The following MOCS1 variants were observed in gnomAD, a reference collection of about 807,000 sequenced individuals.
MOCS1 encodes the protein molybdenum cofactor biosynthesis protein 1.
In MOCS1, 39 loss-of-function variants were observed where a neutral mutation model predicts 57.6. The observed-to-expected ratio is 0.68, with a 90% CI of 0.52 to 0.88. The LOEUF is 0.88. MOCS1 is among the 40% of genes least tolerant of loss of function. MOCS1 has a pLI of 0.00. For synonymous variants in MOCS1, 334 were observed against 335.7 expected (o/e 1.00, Z 0.05); for missense variants, 795 against 831.1 (o/e 0.96, Z 0.53).
At chr6:39,922,176 G>A (rs913345489) in intron 3 of MOCS1, among the ~76,000 whole-genome samples, 1 of 152,004 alleles carries the variant, frequency 6.6e-6, no homozygotes, top group African/African-American at 2.4e-5. Flanking sequence ...TTAAATGAAC[G>A]AAAAAATCAT....
intron 3 of MOCS1, among the ~76,000 whole-genome samples, 182 bp downstream of exon 3, chr6:39,925,496 C>T (rs1244362397): frequency 1.3e-5 from 2 of 152,148 alleles, no homozygotes. Flanking sequence ...AGTTATCCAA[C>T]CTAAGCCTCA....
chr6:39,919,841 TAAGGACCTATATGCAAA>T (rs1221907464), intron 3 of MOCS1, among the ~76,000 whole-genome samples: 1 of 152,160 alleles, frequency 6.6e-6, no homozygotes, highest in Admixed American at 6.5e-5. Context: ...ACAGATGAAC[TAAGGACCTATATGCAAA>T]TTTAAAATTT....
At chr6:39,910,248 T>C (rs1302046587) in intron 8 of MOCS1, among the ~76,000 whole-genome samples, 1 of 152,202 alleles carries the variant, frequency 6.6e-6, no homozygotes, top group Non-Finnish European at 1.5e-5. Flanking sequence ...CATGTAAAAA[T>C]CCAGATCTCT....
In MOCS1 at chr6:39,929,341, A is replaced by C. The variant is rs113507083; in HGVS notation, c.124-1886T>G. Reference sequence around the variant, plus strand: ...TAGCCTCAGGGTTGGGGCGGGGAGCACTCCATAATCAAGAATCCCATCAGC... The same window carrying C: ...TAGCCTCAGGGTTGGGGCGGGGAGCCCTCCATAATCAAGAATCCCATCAGC... On this transcript the variant is annotated intron_variant, in intron 1 of 10. Coordinates refer to ENST00000340692, the MANE Select transcript of MOCS1 (RefSeq NM_001358530.2). 8.1e-3 allele frequency among the ~76,000 whole-genome samples: 1,236 copies of C among 152,104 alleles called. 7 individuals carry two copies. Among genetic ancestry groups the C allele is most frequent in the Middle Eastern group, 0.017 (5 of 294 alleles).
intron 7 of MOCS1, 22 bp from the exon 8 acceptor site, chr6:39,912,396 C>T: frequency 6.4e-7 from 1 of 1,556,682 alleles, no homozygotes; most frequent in East Asian, 2.2e-5. Flanking sequence ...AGAGTGGGAG[C>T]AAAAGGGCAG....
At chr6:39,929,649 T>C (rs1249758255) in intron 1 of MOCS1, among the ~76,000 whole-genome samples, 2 of 151,586 alleles carry the variant, frequency 1.3e-5, no homozygotes, top group African/African-American at 2.4e-5. Flanking sequence ...CAATCAAGAA[T>C]GGAATTAGGG....
intron 1 of MOCS1, among the ~76,000 whole-genome samples, chr6:39,932,785 G>A (rs1170695640): frequency 6.6e-6 from 1 of 152,176 alleles, no homozygotes; most frequent in Non-Finnish European, 1.5e-5. Flanking sequence ...CACTTACATG[G>A]GCTAAGCTTT....
chr6:39,913,282 T>G, intron 6 of MOCS1, 35 bp downstream of exon 6: 1 of 1,585,480 alleles, frequency 6.3e-7, no homozygotes, highest in Non-Finnish European at 8.7e-7. Flanking sequence ...GCCCAACCCC[T>G]TCTTCCCTCC....
chr6:39,922,713 G>A (rs1768041927), intron 3 of MOCS1, among the ~76,000 whole-genome samples: 2 of 152,148 alleles, frequency 1.3e-5, no homozygotes, highest in South Asian at 4.1e-4. Flanking sequence ...CCTTCCCGTG[G>A]GGTGTTCTGC....
Position 39,906,714 on chromosome 6 carries a change from G to A in MOCS1, c.1554C>T (p.Ala518=), listed in dbSNP as rs1766973183. ...GCTGGTTCTGCTGGACAAGCTTGAA[G>A]GCTACCGGTCCCAGGAGGACCACGG... ...ASAVVLLGPV[A]FKLVQQNQLK... The change falls in exon 11 of 11, where the codon GCC becomes GCT. Residue 518 remains alanine, a synonymous_variant. Coordinates refer to ENST00000340692, the MANE Select transcript of MOCS1 (RefSeq NM_001358530.2). 6.2e-7 allele frequency: 1 copy of A among 1,614,078 alleles called. No homozygotes were observed. The highest frequency in any genetic ancestry group is 1.7e-5 in the Admixed American group (1 of 60,012).
In MOCS1 at chr6:39,928,802, T is replaced by C. The variant is rs192280254; in HGVS notation, c.124-1347A>G. Among the ~76,000 whole-genome samples the C allele has an allele frequency of 6.1e-4, 93 of 152,284 alleles. 1 individual carries two copies. Among genetic ancestry groups the C allele is most frequent in the Admixed American group, 2.0e-3 (30 of 15,292 alleles). On this transcript the variant is annotated intron_variant, in intron 1 of 10. Coordinates refer to ENST00000340692, the MANE Select transcript of MOCS1 (RefSeq NM_001358530.2). ...TGGTAGTGGTGGTATCAGAAGATGG[T>C]AGGTGAACACTTAAAATTATGATGA...
intron 10 of MOCS1, among the ~76,000 whole-genome samples, chr6:39,907,723 G>T (rs1767047718): frequency 1.3e-5 from 2 of 152,140 alleles, no homozygotes; most frequent in Admixed American, 6.5e-5. Context: ...TACTCAAAGG[G>T]TGGTTGGCTT....
At chr6:39,907,372 C>A (rs904509284) in intron 10 of MOCS1, among the ~76,000 whole-genome samples, 1 of 151,882 alleles carries the variant, frequency 6.6e-6, no homozygotes, top group Non-Finnish European at 1.5e-5. Flanking sequence ...ACTGCTGTGC[C>A]ACCGTGGCAC....
In MOCS1 at chr6:39,906,330, G is replaced by A. The variant is rs775589455; in HGVS notation, c.*27C>T. The A allele has an allele frequency of 6.3e-7, 1 of 1,599,270 alleles. No individual in the cohort carries two copies. Among genetic ancestry groups the A allele is most frequent in the South Asian group, 1.1e-5 (1 of 90,118 alleles). On this transcript the variant is annotated 3_prime_UTR_variant, in exon 11 of 11. Transcript: ENST00000340692. ...CATTGCATCCCAGCTCCAGGCCTGG[G>A]TGGGCCATGGGTGAGAAGGGCAGGT... is the stretch of plus-strand genomic sequence containing the variant.
intron 8 of MOCS1, among the ~76,000 whole-genome samples, chr6:39,911,490 G>A (rs1767325335): frequency 6.6e-6 from 1 of 152,156 alleles, no homozygotes; most frequent in East Asian, 1.9e-4. Flanking sequence ...ATCACACCCA[G>A]CCTGTGGCTT....
At position 39,904,500 on chromosome 6, in the gene MOCS1, C is replaced by T. The variant is rs193217053; in HGVS notation, c.*1857G>A. On this transcript the variant is annotated 3_prime_UTR_variant, in exon 11 of 11. Coordinates refer to ENST00000340692, the MANE Select transcript of MOCS1 (RefSeq NM_001358530.2). ...GCCACCTTTAGATAAGTTTCTCTAG[C>T]TAATTTTGTGGCCAATGTAAAATTC... 37 of 454,404 alleles carry T rather than the reference C, an allele frequency of 8.1e-5. No homozygotes were observed. The highest frequency in any genetic ancestry group is 7.0e-4 in the African/African-American group (35 of 50,126). The allele number at this position is 454,404 out of a possible 1,614,324, so 28.1% of individuals were successfully genotyped here. A position where few individuals can be genotyped will look rare whatever the true frequency, so the allele number is the denominator to read the frequency against.
At chr6:39,919,205 C>T (rs746221335) in intron 3 of MOCS1, among the ~76,000 whole-genome samples, 1 of 152,134 alleles carries the variant, frequency 6.6e-6, no homozygotes, top group Non-Finnish European at 1.5e-5. Context: ...CAACTGGAGG[C>T]CAGGCACGGT....
rs548975858 is a variant in MOCS1, at chr6:39,913,354, G to T, written c.720C>A (p.Pro240=). Residue 240 remains proline, a synonymous_variant, in exon 6 of 11, where the codon CCC becomes CCA. Coordinates refer to ENST00000340692, the MANE Select transcript of MOCS1 (RefSeq NM_001358530.2). ...TATACTCTATGAAGCGCACATCCAGGGGGAGGCCCTCAGTCAAGGCCGCAA... is the reference window on the plus strand; with the variant it reads ...TATACTCTATGAAGCGCACATCCAGTGGGAGGCCCTCAGTCAAGGCCGCAA... The part of the protein sequence containing the change: ...LDFAALTEGL[P]LDVRFIEYMP... 2.0e-5 allele frequency: 33 copies of T among 1,614,204 alleles called. No individual in the cohort carries two copies. In the South Asian group the frequency reaches 2.7e-4, roughly 13 times the overall value.
chr6:39,916,886 A>G (rs1767689527), intron 3 of MOCS1, among the ~76,000 whole-genome samples: 1 of 152,198 alleles, frequency 6.6e-6, no homozygotes, highest in Non-Finnish European at 1.5e-5. Context: ...GGTTCTGTAA[A>G]AACAGGGAGT....
Sources: allele counts gnomAD v4.1 joint callset (sites outside exome capture counted in the v4.1 genomes callset), GRCh38; gene constraint gnomAD v4.1.1; transcripts MANE v1.5; gene names NCBI Gene and HGNC (gene_info 2026-07-23, HGNC 2026-07-21).